Variants in ETV3L observed in about 807,000 individuals in gnomAD.
The protein encoded by ETV3L is ETS variant transcription factor 3 like.
A neutral mutation model predicts 27.6 loss-of-function variants in ETV3L; 30 were observed. The ratio of observed to expected loss-of-function variants is 1.09; its 90% CI spans 0.81 to 1.48. The LOEUF is 1.48. Ranked by LOEUF, ETV3L falls within the 40% of genes most tolerant of loss-of-function variation. The pLI is 0.00. For missense variants in ETV3L, 443 were observed against 455.6 expected (o/e 0.97, Z 0.25); for synonymous variants, 186 against 188.9 (o/e 0.98, Z 0.12).
rs780744286 is a variant in ETV3L at position 157,099,295 on chromosome 1, G to A, written c.142C>T (p.Leu48=). ...TGGCGGAACTCTTCCTTCTGCAGCA[G>A]CTCCAGGATGAAGTGCCACAGCTGG... is the stretch of plus-strand genomic sequence containing the variant. ...QIQLWHFILE[L]LQKEEFRHVI... is the part of the protein sequence containing the mutation. The change falls in exon 2 of 5, where the codon CTG becomes TTG. Residue 48 remains leucine, a synonymous_variant. Coordinates refer to ENST00000454449, the MANE Select transcript of ETV3L (RefSeq NM_001004341.2). 6.2e-7 allele frequency: 1 copy of A among 1,614,200 alleles called. No homozygotes were observed. The highest frequency in any genetic ancestry group is 1.1e-5 in the South Asian group (1 of 91,078).
At chr1:157,094,057 G>T (rs2103181999) in intron 4 of ETV3L, among the ~76,000 whole-genome samples, 1 of 152,290 alleles carries the variant, frequency 6.6e-6, no homozygotes, top group East Asian at 1.9e-4. Context: ...CAGTGCTCAA[G>T]AAAAATGTGT....
At chr1:157,099,071 G>C in intron 2 of ETV3L, 70 bp downstream of exon 2, 1 of 1,584,194 alleles carries the variant, frequency 6.3e-7, no homozygotes, top group Non-Finnish European at 8.6e-7. Flanking sequence ...GAGTCAGCAG[G>C]GGTACCAGAA....
chr1:157,097,983 C>A lies in ETV3L; in HGVS notation c.492G>T (p.Leu164=). The A allele has an allele frequency of 6.2e-7, 1 of 1,606,518 alleles. No homozygotes were observed. The highest frequency in any genetic ancestry group is 1.7e-4 in the Middle Eastern group (1 of 5,986). Reference sequence around the variant, plus strand: ...CCTGATGGGCAAATAGCATGCTGTGCAGGAGCTGAGGGGTGAGAAGTAGGT... The same window carrying A: ...CCTGATGGGCAAATAGCATGCTGTGAAGGAGCTGAGGGGTGAGAAGTAGGT... ...LVPVGVQSEL[L]HSMLFAHQAM... Residue 164 remains leucine (L), a synonymous_variant, in exon 4 of 5, where the codon CTG becomes CTT. Transcript: ENST00000454449.
At position 157,092,572 on chromosome 1, in the gene ETV3L, G is replaced by T. The variant is rs1176536; in HGVS notation, c.*77C>A. 125 of 1,280,862 alleles carry T rather than the reference G, an allele frequency of 9.8e-5. No individual in the cohort carries two copies. In the East Asian group the frequency reaches 2.9e-3, roughly 29 times the overall value. The allele number at this position is 1,280,862 out of a possible 1,614,324, so 79.3% of individuals were successfully genotyped here. A position where few individuals can be genotyped will look rare whatever the true frequency, so the allele number is the denominator to read the frequency against. On this transcript the variant is annotated 3_prime_UTR_variant, in exon 5 of 5. Coordinates refer to ENST00000454449, the MANE Select transcript of ETV3L (RefSeq NM_001004341.2). ...AGCCCATGTCCAGCCAGGGGAAGGG[G>T]CTAACCCAGAGGCGGTGGGCAAGAG...
At position 157,093,122 on chromosome 1, in the gene ETV3L, C is replaced by G. The variant is rs1299191274; in HGVS notation, c.613G>C (p.Gly205Arg). ...KGSSSSVYRL[G>R]SAPGPCRLGL... The stretch of plus-strand genomic sequence containing the variant: ...AGCCGGCAGGGGCCTGGGGCAGAGC[C>G]AAGTCCTAGAGAAAGAAAGAGAGAA... The change falls in exon 5 of 5, where the codon GGC becomes CGC. Residue 205 changes from glycine (G) to arginine (R), a missense_variant. Coordinates refer to ENST00000454449, the MANE Select transcript of ETV3L (RefSeq NM_001004341.2). 1.4e-5 allele frequency: 20 copies of G among 1,452,084 alleles called. No individual in the cohort carries two copies. Among genetic ancestry groups the G allele is most frequent in the Non-Finnish European group, 1.6e-5 (18 of 1,100,802 alleles). The allele number at this position is 1,452,084 out of a possible 1,614,324, so 89.9% of individuals were successfully genotyped here.
chr1:157,099,606 G>T lies in ETV3L; in HGVS notation c.-83C>A. 8.4e-7 allele frequency: 1 copy of T among 1,189,650 alleles called. No homozygotes were observed. The highest frequency in any genetic ancestry group is 1.2e-6 in the Non-Finnish European group (1 of 821,386). 73.7% of individuals were successfully genotyped at this position (1,189,650 alleles called of 1,614,324 possible). On this transcript the variant is annotated 5_prime_UTR_variant, in exon 1 of 5. Transcript: ENST00000454449. ...GAGGAAGGGAAGGAAGGAGGCAGAGGGGAGGACAGTGAAAGAGGAAGGAAA... is the reference window on the plus strand; with the variant it reads ...GAGGAAGGGAAGGAAGGAGGCAGAGTGGAGGACAGTGAAAGAGGAAGGAAA...
rs1200927075 is a variant in ETV3L at position 157,099,387 on chromosome 1, AGAGGG to A, written c.59-14_59-10del. 30 of 1,613,962 alleles carry A rather than the reference AGAGGG, an allele frequency of 1.9e-5. No homozygotes were observed. Among genetic ancestry groups the A allele is most frequent in the Non-Finnish European group, 2.5e-5 (30 of 1,179,996 alleles). On this transcript the variant is annotated splice_polypyrimidine_tract_variant and intron_variant, in intron 1 of 4. Coordinates refer to ENST00000454449, the MANE Select transcript of ETV3L (RefSeq NM_001004341.2). ...ATCAGGGAAGGCCAACCCTGGGTGG[AGAGGG>A]GAGAGTGAGGGCTCTGGAGGCCCTG...
chr1:157,092,851 C>G lies in ETV3L; in HGVS notation c.884G>C (p.Gly295Ala). The change falls in exon 5 of 5, where the codon GGT (glycine) becomes GCT (alanine). Residue 295 changes from glycine (G) to alanine (A), a missense_variant. Gly to Ala is a moderately conservative substitution (Grantham distance 60). Coordinates refer to ENST00000454449, the MANE Select transcript of ETV3L (RefSeq NM_001004341.2). ...GLPLLAGLGQGAGERLWLLSL... is the reference protein window; with the variant it reads ...GLPLLAGLGQAAGERLWLLSL... ...CAAGAGCCAAAGCCTCTCACCCGCACCCTGTCCCAGCCCTGCCAAGAGAGG... is the reference window on the plus strand; with the variant it reads ...CAAGAGCCAAAGCCTCTCACCCGCAGCCTGTCCCAGCCCTGCCAAGAGAGG... 6.2e-7 allele frequency: 1 copy of G among 1,614,052 alleles called. No homozygotes were observed. Among genetic ancestry groups the G allele is most frequent in the Non-Finnish European group, 8.5e-7 (1 of 1,179,944 alleles).
intron 4 of ETV3L, among the ~76,000 whole-genome samples, chr1:157,094,835 C>T (rs906254963): frequency 1.3e-5 from 2 of 150,088 alleles, no homozygotes; most frequent in Admixed American, 1.3e-4. Flanking sequence ...ACTGCTTGAA[C>T]CCGGGAGGCG....
intron 4 of ETV3L, among the ~76,000 whole-genome samples, chr1:157,096,926 T>C (rs549247901): frequency 6.6e-6 from 1 of 151,862 alleles, no homozygotes; most frequent in Non-Finnish European, 1.5e-5. Flanking sequence ...TCTCAAAAAA[T>C]AATAAAAGAA....
chr1:157,093,046 G>C lies in ETV3L; in HGVS notation c.689C>G (p.Ala230Gly), dbSNP rs749240007. ...GGGCGGGAGGGGAGGAGTGAAGGAGGCAACACCAGGCAGCTCGCCTTGGAC... is the reference window on the plus strand; with the variant it reads ...GGGCGGGAGGGGAGGAGTGAAGGAGCCAACACCAGGCAGCTCGCCTTGGAC... ...GSVQGELPGV[A>G]SFTPPLPPPL... The change falls in exon 5 of 5, where the codon GCC (alanine) becomes GGC (glycine). Residue 230 changes from alanine (A) to glycine (G), a missense_variant. Coordinates refer to ENST00000454449, the MANE Select transcript of ETV3L (RefSeq NM_001004341.2). 1.9e-6 allele frequency: 3 copies of C among 1,559,050 alleles called. No individual in the cohort carries two copies. Among genetic ancestry groups the C allele is most frequent in the African/African-American group, 2.7e-5 (2 of 73,242 alleles).
intron 4 of ETV3L, among the ~76,000 whole-genome samples, chr1:157,097,288 C>A (rs533413447): frequency 1.3e-5 from 2 of 151,820 alleles, no homozygotes; most frequent in African/African-American, 2.4e-5. Context: ...GCCTGGCCAA[C>A]ATGGTGAAAC....
chr1:157,099,779 A>C lies in ETV3L; in HGVS notation c.-256T>G. 1.7e-6 allele frequency: 1 copy of C among 571,942 alleles called. No individual in the cohort carries two copies. Among genetic ancestry groups the C allele is most frequent in the South Asian group, 2.2e-5 (1 of 44,680 alleles). The allele number at this position is 571,942 out of a possible 1,614,324, so 35.4% of individuals were successfully genotyped here. A position where few individuals can be genotyped will look rare whatever the true frequency, so the allele number is the denominator to read the frequency against. ...AGACAGGGCCCAGCCCCCTCTGGGG[A>C]CCTCCCCGCTGCCCAGGGCTGACTC... On this transcript the variant is annotated 5_prime_UTR_variant, in exon 1 of 5. Coordinates refer to ENST00000454449, the MANE Select transcript of ETV3L (RefSeq NM_001004341.2).
At position 157,092,930 on chromosome 1, in the gene ETV3L, T is replaced by C; in HGVS notation, c.805A>G (p.Ile269Val). 1 of 1,614,026 alleles carries C rather than the reference T, an allele frequency of 6.2e-7. No homozygotes were observed. Among genetic ancestry groups the C allele is most frequent in the Non-Finnish European group, 8.5e-7 (1 of 1,179,952 alleles). The change falls in exon 5 of 5, where the codon ATC becomes GTC. Residue 269 changes from isoleucine (I) to valine (V), a missense_variant. Coordinates refer to ENST00000454449, the MANE Select transcript of ETV3L (RefSeq NM_001004341.2). ...AGGCTCCTAGGTCCTGGGAGCAGGA[T>C]GTCTGGCTTAAAAGCCCCTGGGAGC... ...QQLPGAFKPD[I>V]LLPGPRSLPG...
rs1331217549 is a variant in ETV3L at position 157,099,674 on chromosome 1, AAGAG to A, written c.-155_-152del. ...AAGGAAGGGAGAGGGTCAGGAAAGA[AAGAG>A]AGAAAAGGGAAGGGACAAGAGGTTG... On this transcript the variant is annotated 5_prime_UTR_variant, in exon 1 of 5. An upstream open reading frame in the 5' UTR loses its in-frame stop. Transcript: ENST00000454449. 2 of 704,218 alleles carry A rather than the reference AAGAG, an allele frequency of 2.8e-6. No homozygotes were observed. Among genetic ancestry groups the A allele is most frequent in the Non-Finnish European group, 2.4e-6 (1 of 416,852 alleles). The allele number at this position is 704,218 out of a possible 1,614,324, so 43.6% of individuals were successfully genotyped here.
At chr1:157,094,574 C>T (rs1674185483) in intron 4 of ETV3L, among the ~76,000 whole-genome samples, 1 of 152,188 alleles carries the variant, frequency 6.6e-6, no homozygotes, top group South Asian at 2.1e-4. Context: ...AAAGAACAAG[C>T]ATCAACCCAA....
chr1:157,097,144 A>G (rs1329286286), intron 4 of ETV3L, among the ~76,000 whole-genome samples: 2 of 151,630 alleles, frequency 1.3e-5, no homozygotes, highest in East Asian at 3.9e-4. Context: ...TGTTCTCCAG[A>G]TTTGCTACAC....
chr1:157,098,669 G>T, intron 3 of ETV3L, 37 bp downstream of exon 3: 1 of 1,533,998 alleles, frequency 6.5e-7, no homozygotes, highest in Non-Finnish European at 8.8e-7. Context: ...GGTAGGACCT[G>T]GTGGAGCCCT....
Position 157,092,898 on chromosome 1 carries a change from C to T in ETV3L, c.837G>A (p.Gly279=), listed in dbSNP as rs762606436. 1 of 1,614,042 alleles carries T rather than the reference C, an allele frequency of 6.2e-7. No individual in the cohort carries two copies. The highest frequency in any genetic ancestry group is 8.5e-7 in the Non-Finnish European group (1 of 1,179,962). ...GAGGAAGCCCTGGAAAATGCCAGGC[C>T]CCTGGGAGGCTCCTAGGTCCTGGGA... The part of the protein sequence containing the change: ...ILLPGPRSLP[G]AWHFPGLPLL... The change falls in exon 5 of 5, where the codon GGG becomes GGA. Residue 279 remains glycine, a synonymous_variant. Coordinates refer to ENST00000454449, the MANE Select transcript of ETV3L (RefSeq NM_001004341.2).
Sources: gnomAD v4.1 joint callset for allele counts (sites outside exome capture counted in the v4.1 genomes callset) on GRCh38, gnomAD v4.1.1 for gene constraint, MANE v1.5 for transcripts, NCBI Gene and HGNC (gene_info 2026-07-23, HGNC 2026-07-21) for gene names.